Variants in NCOR2 observed in about 807,000 individuals in gnomAD.
The protein encoded by NCOR2 is CTG repeat protein 26.
NCOR2 carries 81 observed loss-of-function variants against 262.9 expected under a neutral mutation model. The observed-to-expected ratio is 0.31, with a 90% CI of 0.26 to 0.37. The LOEUF is 0.37. Ranked by LOEUF, NCOR2 falls within the 10% of genes least tolerant of loss-of-function variation. The pLI is 1.00. For missense variants in NCOR2, 3,385 were observed against 3,621.4 expected (o/e 0.93, Z 1.68); for synonymous variants, 1,659 against 1,559.3 (o/e 1.06, Z -1.51).
At chr12:124,338,511 A>C (rs1337111942) in intron 37 of NCOR2, among the ~76,000 whole-genome samples, 3 of 151,404 alleles carry the variant, frequency 2.0e-5, no homozygotes, top group Non-Finnish European at 4.4e-5. Context: ...CCATCAAAAA[A>C]AAAAAAAAAA....
intron 8 of NCOR2, among the ~76,000 whole-genome samples, chr12:124,433,942 GC>G (rs938552102): frequency 5.7e-5 from 6 of 105,424 alleles, no homozygotes; most frequent in East Asian, 3.2e-4. Flanking sequence ...TCCCCCTCCC[GC>G]CCCCCACCCC....
chr12:124,520,731 C>T (rs2050138956), intron 1 of NCOR2, among the ~76,000 whole-genome samples: 1 of 152,194 alleles, frequency 6.6e-6, no homozygotes, highest in Non-Finnish European at 1.5e-5. Context: ...AAGCCAGTGT[C>T]TGGTTATCTG....
At chr12:124,345,056 G>A (rs542312099) in intron 31 of NCOR2, 105 bp from the exon 34 acceptor site, 1 of 1,067,982 alleles carries the variant, frequency 9.4e-7, no homozygotes. Flanking sequence ...TAAGATGGAA[G>A]TGACATCTGA....
rs370880977 is a variant in NCOR2, at chr12:124,363,815, C to T, written c.2808-16G>A. The T allele has an allele frequency of 1.1e-4, 144 of 1,334,386 alleles. No homozygotes were observed. Among genetic ancestry groups the T allele is most frequent in the Non-Finnish European group, 1.3e-4 (137 of 1,037,346 alleles). The allele number at this position is 1,334,386 out of a possible 1,614,324, so 82.7% of individuals were successfully genotyped here. On this transcript the variant is annotated splice_polypyrimidine_tract_variant and intron_variant, in intron 20 of 46. Transcript: ENST00000405201. ...GGACAGCAGCCTGCGGGCACACGAGCACCATCAGCTGGGGGCCCACAGCCG... is the reference window on the plus strand; with the variant it reads ...GGACAGCAGCCTGCGGGCACACGAGTACCATCAGCTGGGGGCCCACAGCCG...
chr12:124,493,216 C>T (rs1418140582), intron 1 of NCOR2, among the ~76,000 whole-genome samples: 1 of 152,224 alleles, frequency 6.6e-6, no homozygotes, highest in Non-Finnish European at 1.5e-5. Flanking sequence ...GAGGCCACAG[C>T]AGCCTGAGGA....
At chr12:124,399,813 C>T (rs939584642) in intron 15 of NCOR2, among the ~76,000 whole-genome samples, 1 of 152,110 alleles carries the variant, frequency 6.6e-6, no homozygotes, top group African/African-American at 2.4e-5. Context: ...AGACAACAGA[C>T]GCACACCGCT....
intron 16 of NCOR2, chr12:124,388,941 G>T (rs2041055126): frequency 1.3e-6 from 1 of 753,568 alleles, no homozygotes; most frequent in Non-Finnish European, 1.8e-6. Context: ...CTCGAGAGGG[G>T]CGGGCGGGAG....
chr12:124,377,385 G>A (rs1352637175), intron 18 of NCOR2, among the ~76,000 whole-genome samples: 5 of 152,184 alleles, frequency 3.3e-5, no homozygotes, highest in African/African-American at 4.8e-5. Context: ...TAGAGAAAAC[G>A]GGGACACCAA....
Position 124,456,481 on chromosome 12 carries a change from CT to C in NCOR2, c.762+624del, listed in dbSNP as rs1202675946. On this transcript the variant is annotated intron_variant, in intron 6 of 46. Transcript: ENST00000405201. ...GGCATCTTTCCGCAGCAAAAGGACACTAGTGACAGCCATCATCGCCATCATC... is the reference window on the plus strand; with the variant it reads ...GGCATCTTTCCGCAGCAAAAGGACACAGTGACAGCCATCATCGCCATCATC... Among the ~76,000 whole-genome samples, 17 of 152,060 alleles carry C rather than the reference CT, an allele frequency of 1.1e-4. 1 individual carries two copies. Among genetic ancestry groups the C allele is most frequent in the African/African-American group, 3.9e-4 (16 of 41,462 alleles).
chr12:124,502,888 A>G (rs2048822538), intron 1 of NCOR2, among the ~76,000 whole-genome samples: 1 of 152,160 alleles, frequency 6.6e-6, no homozygotes, highest in South Asian at 2.1e-4. Context: ...CACGATTGTC[A>G]GGGCCCTAGA....
chr12:124,412,143 C>A (rs2042619033), intron 13 of NCOR2, among the ~76,000 whole-genome samples: 1 of 152,284 alleles, frequency 6.6e-6, no homozygotes, highest in Non-Finnish European at 1.5e-5. Flanking sequence ...CGGCCGCACA[C>A]AGCGCGGGTC....
intron 27 of NCOR2, among the ~76,000 whole-genome samples, chr12:124,351,481 G>C (rs1234807244): frequency 6.6e-6 from 1 of 152,156 alleles, no homozygotes; most frequent in African/African-American, 2.4e-5. Flanking sequence ...CCCCCACCAA[G>C]TTAGGACAAT....
chr12:124,500,996 G>T (rs1482458112), intron 1 of NCOR2, among the ~76,000 whole-genome samples: 9 of 152,170 alleles, frequency 5.9e-5, no homozygotes, highest in African/African-American at 1.9e-4. Context: ...AGGTGGGGGA[G>T]CCTCGGGATT....
intron 2 of NCOR2, 162 bp downstream of exon 4, chr12:124,486,279 C>T: frequency 8.8e-7 from 1 of 1,140,860 alleles, no homozygotes; most frequent in Non-Finnish European, 1.2e-6. Flanking sequence ...GTCCCATCCT[C>T]ACCCCGAGTC....
At chr12:124,349,449 C>T (rs1029483014) in intron 28 of NCOR2, among the ~76,000 whole-genome samples, 21 of 152,168 alleles carry the variant, frequency 1.4e-4, no homozygotes, top group African/African-American at 4.6e-4. Context: ...GTTCAGAAAA[C>T]GTTCCAAATT....
intron 20 of NCOR2, among the ~76,000 whole-genome samples, chr12:124,369,142 A>T (rs1242027598): frequency 6.6e-6 from 1 of 152,080 alleles, no homozygotes; most frequent in African/African-American, 2.4e-5. Context: ...GGCTTGGGGG[A>T]GGGGACTCCC....
chr12:124,340,109 G>A, exon 37 of NCOR2: 3 of 1,612,792 alleles, frequency 1.9e-6, no homozygotes, highest in Non-Finnish European at 2.5e-6. Context: ...TGGGTCCGAG[G>A]GGAGATGGGC....
At chr12:124,484,607 A>T (rs944069150) in intron 2 of NCOR2, among the ~76,000 whole-genome samples, 3 of 152,072 alleles carry the variant, frequency 2.0e-5, no homozygotes, top group Non-Finnish European at 4.4e-5. Flanking sequence ...CCGCCACTGC[A>T]CTCCTGCCCC....
intron 7 of NCOR2, among the ~76,000 whole-genome samples, chr12:124,438,563 G>A (rs1465620915): frequency 6.6e-6 from 1 of 152,140 alleles, no homozygotes; most frequent in Non-Finnish European, 1.5e-5. Context: ...CCCGGGCGGG[G>A]GCGGTCTCAG....
Sources: allele counts gnomAD v4.1 joint callset (sites outside exome capture counted in the v4.1 genomes callset), GRCh38; gene constraint gnomAD v4.1.1; transcripts MANE v1.5; gene names NCBI Gene and HGNC (gene_info 2026-07-23, HGNC 2026-07-21).